The following TLL1 variants were observed in gnomAD, a reference collection of about 807,000 sequenced individuals.
TLL1 encodes the protein tolloid-like protein 1.
In TLL1, 49 loss-of-function variants were observed where a neutral mutation model predicts 128.2. That is an observed-to-expected ratio of 0.38 (90% CI 0.30 to 0.48). TLL1 has a LOEUF of 0.48. Ranked by LOEUF, TLL1 falls within the 20% of genes least tolerant of loss-of-function variation. The pLI, the probability that TLL1 is intolerant of heterozygous loss-of-function variation, is 0.96. For synonymous variants in TLL1, 454 were observed against 418.8 expected, an observed-to-expected ratio of 1.08 and a Z score of -1.03; for missense variants, 1,123 against 1,242.0, an observed-to-expected ratio of 0.90 and a Z score of 1.44.
chr4:165,916,951 T>C (rs771810526), intron 1 of TLL1, among the ~76,000 whole-genome samples: 2 of 152,190 alleles, frequency 1.3e-5, no homozygotes, highest in Non-Finnish European at 2.9e-5. Context: ...TGCTATCTTC[T>C]CATGCCCATT....
chr4:165,931,708 G>A (rs1733531057), intron 1 of TLL1, among the ~76,000 whole-genome samples: 1 of 68,308 alleles, frequency 1.5e-5, no homozygotes, highest in African/African-American at 5.2e-5. Flanking sequence ...GACAGAGTAA[G>A]ACTCTGTCTC....
intron 9 of TLL1, among the ~76,000 whole-genome samples, chr4:166,034,140 C>T (rs1316069749): frequency 2.0e-5 from 3 of 151,770 alleles, no homozygotes; most frequent in African/African-American, 7.3e-5. Flanking sequence ...AAACTTATAA[C>T]CTAGTAATAT....
chr4:165,926,503 C>T (rs762598489), intron 1 of TLL1, among the ~76,000 whole-genome samples: 25 of 152,024 alleles, frequency 1.6e-4, no homozygotes, highest in South Asian at 1.0e-3. Flanking sequence ...GAAGGTGATG[C>T]GGATAGGAAA....
intron 14 of TLL1, among the ~76,000 whole-genome samples, chr4:166,057,835 C>A (rs949586615): frequency 6.6e-6 from 1 of 152,076 alleles, no homozygotes; most frequent in African/African-American, 2.4e-5. Context: ...AAGACTCCCC[C>A]CAACCATGAT....
intron 12 of TLL1, among the ~76,000 whole-genome samples, chr4:166,052,861 C>G (rs1739809676): frequency 6.7e-6 from 1 of 150,308 alleles, no homozygotes; most frequent in South Asian, 2.1e-4. Context: ...CTGTATTGTC[C>G]CCTTGACCAA....
In TLL1 at chr4:166,018,015, T is replaced by C. The variant is rs548288583; in HGVS notation, c.1042+3455T>C. 2.0e-4 allele frequency among the ~76,000 whole-genome samples: 31 copies of C among 152,264 alleles called. 1 individual carries two copies. In the South Asian group the frequency reaches 6.4e-3, roughly 32 times the overall value. On this transcript the variant is annotated intron_variant, in intron 8 of 20. Transcript: ENST00000061240. ...ACTGTACATGTGAGTCTTAATAGGG[T>C]GACTCATCTGTGAACAACCCAGAAG...
chr4:166,038,949 C>T (rs1485706058), intron 9 of TLL1, among the ~76,000 whole-genome samples: 1 of 152,002 alleles, frequency 6.6e-6, no homozygotes, highest in African/African-American at 2.4e-5. Context: ...TTTTAAAAGA[C>T]TTTCATGAAA....
At chr4:165,944,404 G>A (rs1734151286) in intron 1 of TLL1, among the ~76,000 whole-genome samples, 1 of 152,152 alleles carries the variant, frequency 6.6e-6, no homozygotes, top group Non-Finnish European at 1.5e-5. Flanking sequence ...CAAAGTTCCT[G>A]AGGCAGGAAG....
intron 14 of TLL1, 140 bp from the exon 15 acceptor site, chr4:166,059,888 G>A: frequency 5.1e-6 from 5 of 980,720 alleles, no homozygotes; most frequent in Non-Finnish European, 7.9e-6. Context: ...AAGGAGCAGA[G>A]ACTGCCATTT....
intron 9 of TLL1, among the ~76,000 whole-genome samples, chr4:166,035,925 T>C (rs1280294496): frequency 6.6e-6 from 1 of 152,186 alleles, no homozygotes; most frequent in Non-Finnish European, 1.5e-5. Context: ...CTCAGCCTTA[T>C]TTCTGAGGCA....
intron 9 of TLL1, 26 bp downstream of exon 9, chr4:166,025,457 T>A (rs773662326): frequency 3.3e-5 from 50 of 1,507,280 alleles, no homozygotes; most frequent in Non-Finnish European, 4.2e-5. Context: ...AAGCCCACTA[T>A]TTTATTCTTA....
chr4:165,990,370 AAT>A (rs1290180241), intron 2 of TLL1, among the ~76,000 whole-genome samples: 75 of 152,114 alleles, frequency 4.9e-4, no homozygotes, highest in Non-Finnish European at 9.7e-4. Flanking sequence ...GTGGAAGTAC[AAT>A]ATGTGGTCCT....
intron 15 of TLL1, among the ~76,000 whole-genome samples, chr4:166,062,459 T>C (rs1269016634): frequency 6.6e-6 from 1 of 152,180 alleles, no homozygotes; most frequent in African/African-American, 2.4e-5. Flanking sequence ...TATTCCAAGG[T>C]ATTTAATTCT....
chr4:166,050,971 A>G (rs182175834), intron 12 of TLL1, among the ~76,000 whole-genome samples: 4 of 152,218 alleles, frequency 2.6e-5, no homozygotes, highest in Admixed American at 6.5e-5. Context: ...TCATTTACTT[A>G]CTAGTTTTCT....
intron 1 of TLL1, among the ~76,000 whole-genome samples, chr4:165,977,098 G>T (rs1735918984): frequency 6.6e-6 from 1 of 152,168 alleles, no homozygotes; most frequent in Non-Finnish European, 1.5e-5. Flanking sequence ...AGACATAAAT[G>T]TTAGAAGTTA....
intron 1 of TLL1, among the ~76,000 whole-genome samples, chr4:165,879,428 T>C (rs1310623000): frequency 2.0e-5 from 3 of 152,214 alleles, no homozygotes; most frequent in African/African-American, 7.2e-5. Flanking sequence ...TTCTTATGGC[T>C]ATTAGTCACC....
intron 17 of TLL1, among the ~76,000 whole-genome samples, chr4:166,076,687 A>G (rs1741045924): frequency 6.6e-6 from 1 of 152,120 alleles, no homozygotes; most frequent in African/African-American, 2.4e-5. Context: ...CACATTTCAC[A>G]TTGTGAGGCA....
chr4:166,100,016 T>C (rs1742218675), intron 20 of TLL1, among the ~76,000 whole-genome samples: 1 of 152,132 alleles, frequency 6.6e-6, no homozygotes, highest in South Asian at 2.1e-4. Flanking sequence ...CACTGTTCCA[T>C]TGCAGAGTGT....
chr4:166,018,340 A>C (rs1428747050), intron 8 of TLL1, among the ~76,000 whole-genome samples: 1 of 152,144 alleles, frequency 6.6e-6, no homozygotes, highest in African/African-American at 2.4e-5. Flanking sequence ...GAGACCTCAA[A>C]CTATAAGAAG....
Sources: allele counts gnomAD v4.1 joint callset (sites outside exome capture counted in the v4.1 genomes callset), GRCh38; gene constraint gnomAD v4.1.1; transcripts MANE v1.5; gene names NCBI Gene and HGNC (gene_info 2026-07-23, HGNC 2026-07-21).